Variants in THBS4 observed in about 807,000 individuals in gnomAD.
THBS4 encodes thrombospondin 4.
THBS4 carries 90 observed loss-of-function variants against 115.7 expected under a neutral mutation model. That is an observed-to-expected ratio of 0.78 (90% CI 0.66 to 0.93). THBS4 has a LOEUF of 0.93. THBS4 is among the 40% of genes least tolerant of loss of function. The pLI is 0.00. For synonymous variants in THBS4, 460 were observed against 479.3 expected, an observed-to-expected ratio of 0.96 and a Z score of 0.53; for missense variants, 1,087 against 1,232.7, an observed-to-expected ratio of 0.88 and a Z score of 1.77.
intron 21 of THBS4, 31 bp downstream of exon 21, chr5:80,082,576 T>C (rs952093050): frequency 2.5e-6 from 4 of 1,611,564 alleles, no homozygotes; most frequent in Non-Finnish European, 3.4e-6. Context: ...TGTTCAACAT[T>C]GTTACTAGAA....
upstream of THBS4, among the ~76,000 whole-genome samples, chr5:80,030,608 C>T (rs1561299363): frequency 2.6e-5 from 4 of 152,150 alleles, no homozygotes; most frequent in South Asian, 6.2e-4. Context: ...ACCTTGTGAT[C>T]CACCGGCCTC....
intron 5 of THBS4, 93 bp from the exon 6 acceptor site, chr5:80,059,347 G>T: frequency 2.4e-4 from 246 of 1,032,226 alleles, no homozygotes; most frequent in Non-Finnish European, 3.2e-4. Flanking sequence ...AAAAAAAAAA[G>T]TGTTACATAG....
chr5:80,044,521 C>T (rs147457887), intron 2 of THBS4, among the ~76,000 whole-genome samples: 6 of 152,214 alleles, frequency 3.9e-5, no homozygotes, highest in African/African-American at 1.4e-4. Context: ...CTCCTAGGTT[C>T]GACTGACTCT....
At chr5:80,033,284 C>T (rs528283222), upstream of THBS4, 8 of 345,180 alleles carry the variant, frequency 2.3e-5, no homozygotes, top group Non-Finnish European at 3.5e-5. Flanking sequence ...TCCAGCAGCA[C>T]GTGGTGCATT....
At chr5:80,051,225 C>G (rs1833245630) in intron 2 of THBS4, among the ~76,000 whole-genome samples, 1 of 152,170 alleles carries the variant, frequency 6.6e-6, no homozygotes, top group Non-Finnish European at 1.5e-5. Context: ...AGGCTGCAGG[C>G]TCCTGGGGCC....
intron 2 of THBS4, among the ~76,000 whole-genome samples, chr5:80,046,480 G>A (rs1833069298): frequency 6.6e-6 from 1 of 152,218 alleles, no homozygotes; most frequent in South Asian, 2.1e-4. Context: ...ACAGGCTACT[G>A]AAATTTAGGA....
chr5:80,077,901 G>A (rs1743292882), intron 16 of THBS4, 148 bp from the exon 17 acceptor site: 1 of 644,842 alleles, frequency 1.6e-6, no homozygotes, highest in Non-Finnish European at 2.4e-6. Context: ...CATGTCCCCA[G>A]GGCTCCTCTC....
Position 80,058,712 on chromosome 5 carries a change from C to G in THBS4, c.654C>G (p.Asp218Glu). 1 of 1,614,164 alleles carries G rather than the reference C, an allele frequency of 6.2e-7. No homozygotes were observed. Among genetic ancestry groups the G allele is most frequent in the Non-Finnish European group, 8.5e-7 (1 of 1,180,028 alleles). Residue 218 changes from aspartate to glutamate, a missense_variant, in exon 5 of 22, where the codon GAC becomes GAG. This residue lies in a region of THBS4 where 979 missense variants were observed against 1,103.7 expected (regional missense o/e 0.89). Coordinates refer to ENST00000350881, the MANE Select transcript of THBS4 (RefSeq NM_003248.6). ...SEPLAATGTG[D>E]FNRQFLGQMT... is the part of the protein sequence containing the mutation. ...TGCCTTTTGCTGTTCCTACAGGGGA[C>G]TTTAACCGGCAGTTCTTGGGTCAAA...
intron 2 of THBS4, among the ~76,000 whole-genome samples, chr5:80,016,833 C>T (rs1408030703): frequency 2.0e-5 from 3 of 152,240 alleles, no homozygotes; most frequent in East Asian, 3.9e-4. Context: ...TGATTCAAAA[C>T]GGATAGATTA....
chr5:80,081,249 T>G (rs577198590), intron 20 of THBS4, among the ~76,000 whole-genome samples: 12 of 152,202 alleles, frequency 7.9e-5, no homozygotes, highest in Non-Finnish European at 1.8e-4. Context: ...TTATGTCAAA[T>G]GTACTCTTTT....
chr5:80,005,564 CTG>C (rs917919132), intron 2 of THBS4, among the ~76,000 whole-genome samples: 11 of 151,912 alleles, frequency 7.2e-5, no homozygotes, highest in African/African-American at 2.4e-4. Context: ...TTCTAGAGAA[CTG>C]GGGTCCAGGC....
At chr5:80,044,061 C>T (rs532390822) in intron 2 of THBS4, among the ~76,000 whole-genome samples, 1 of 152,300 alleles carries the variant, frequency 6.6e-6, no homozygotes, top group South Asian at 2.1e-4. Context: ...TCCTGCATCA[C>T]CTCTTGACAC....
At chr5:80,034,534 C>T (rs1174657452), upstream of THBS4, among the ~76,000 whole-genome samples, 1 of 152,140 alleles carries the variant, frequency 6.6e-6, no homozygotes, top group Non-Finnish European at 1.5e-5. Flanking sequence ...AGGAAAAGGA[C>T]GAATTACTTG....
In THBS4 at chr5:80,068,221, A is replaced by C; in HGVS notation, c.1347+96A>C. ...ATGTGCTTCAGGGTAAAAGTACTCC[A>C]AAATGAAAGCATTGCAATTAAATGA... On this transcript the variant is annotated intron_variant, in intron 10 of 21. Coordinates refer to ENST00000350881, the MANE Select transcript of THBS4 (RefSeq NM_003248.6). The C allele has an allele frequency of 4.2e-6, 6 of 1,445,538 alleles. No homozygotes were observed. In the South Asian group the frequency reaches 7.7e-5, roughly 19 times the overall value. 89.5% of individuals were successfully genotyped at this position (1,445,538 alleles called of 1,614,324 possible).
intron 1 of THBS4, among the ~76,000 whole-genome samples, chr5:79,993,898 C>A (rs535089513): frequency 6.6e-6 from 1 of 152,260 alleles, no homozygotes; most frequent in Admixed American, 6.5e-5. Context: ...CTTGAAGATT[C>A]TGTAATTTGT....
chr5:80,012,842 T>A (rs1320525445), intron 2 of THBS4, among the ~76,000 whole-genome samples: 1 of 152,220 alleles, frequency 6.6e-6, no homozygotes, highest in Non-Finnish European at 1.5e-5. Context: ...TGGCATTCTA[T>A]CTTCAGATTA....
chr5:80,077,104 A>T (rs1481570263), intron 16 of THBS4, 56 bp downstream of exon 16: 1 of 1,447,962 alleles, frequency 6.9e-7, no homozygotes, highest in African/African-American at 1.4e-5. Flanking sequence ...TCAGCCAGGC[A>T]CATGGGGGCA....
intron 2 of THBS4, among the ~76,000 whole-genome samples, chr5:80,014,931 T>TA (rs1305520550): frequency 6.6e-6 from 1 of 152,236 alleles, no homozygotes; most frequent in African/African-American, 2.4e-5. Flanking sequence ...TAGCACTCAA[T>TA]AACTGACGTC....
At position 80,077,015 on chromosome 5, in the gene THBS4, C is replaced by G. The variant is rs748530367; in HGVS notation, c.2053C>G (p.Leu685Val). 6.2e-7 allele frequency: 1 copy of G among 1,611,046 alleles called. No individual in the cohort carries two copies. Among genetic ancestry groups the G allele is most frequent in the Admixed American group, 1.7e-5 (1 of 59,818 alleles). Residue 685 changes from leucine (L) to valine (V), a missense_variant, in exon 16 of 22, where the codon CTG becomes GTG. Leu to Val is a conservative substitution (Grantham distance 32). This residue lies in a region of THBS4 where 979 missense variants were observed against 1,103.7 expected (regional missense o/e 0.89). Coordinates refer to ENST00000350881, the MANE Select transcript of THBS4 (RefSeq NM_003248.6). ...GCCCCCTGGACCAGACAACTGCCGG[C>G]TGGTCCCCAACCCAGCCCAGGAGGA... ...LVPPGPDNCR[L>V]VPNPAQEDSN...
Sources: gnomAD v4.1 joint callset for allele counts (sites outside exome capture counted in the v4.1 genomes callset) on GRCh38, gnomAD v4.1.1 for gene constraint, gnomAD v4.1.1 regional missense constraint, MANE v1.5 for transcripts, NCBI Gene and HGNC (gene_info 2026-07-23, HGNC 2026-07-21) for gene names.